LARGE1: variants seen among roughly 807,000 people sequenced by gnomAD.
The protein encoded by LARGE1 is LARGE xylosyl- and glucuronyltransferase 1.
Under a neutral mutation model 87.6 loss-of-function variants are expected in LARGE1, and 43 were observed. That is an observed-to-expected ratio of 0.49 (90% CI 0.38 to 0.63). LARGE1 has a LOEUF of 0.63. LARGE1 is among the 30% of genes least tolerant of loss of function. LARGE1 has a pLI of 0.00. For synonymous variants in LARGE1, 434 were observed against 394.6 expected, an observed-to-expected ratio of 1.10 and a Z score of -1.18; for missense variants, 802 against 1,000.2, an observed-to-expected ratio of 0.80 and a Z score of 2.67.
At chr22:33,643,740 A>G (rs994489121) in intron 3 of LARGE1, among the ~76,000 whole-genome samples, 1 of 152,216 alleles carries the variant, frequency 6.6e-6, no homozygotes, top group African/African-American at 2.4e-5. Flanking sequence ...ATCACCACTG[A>G]TTCCACAGAA....
chr22:33,490,254 T>C (rs1569208448), intron 6 of LARGE1, among the ~76,000 whole-genome samples: 1 of 152,226 alleles, frequency 6.6e-6, no homozygotes. Flanking sequence ...CCATCTTCAT[T>C]TATTCACGCC....
chr22:33,226,903 G>T (rs1925767513), intron 11 of LARGE1, among the ~76,000 whole-genome samples: 2 of 151,964 alleles, frequency 1.3e-5, no homozygotes, highest in South Asian at 4.1e-4. Context: ...CTAATTTTTT[G>T]TATTTTTAGT....
At chr22:33,693,628 G>C (rs1185274888) in intron 2 of LARGE1, among the ~76,000 whole-genome samples, 1 of 152,056 alleles carries the variant, frequency 6.6e-6, no homozygotes, top group African/African-American at 2.4e-5. Context: ...TTGGAGACCA[G>C]CTTGGCCAAC....
At chr22:33,820,901 C>G (rs1380983286) in intron 1 of LARGE1, among the ~76,000 whole-genome samples, 2 of 152,172 alleles carry the variant, frequency 1.3e-5, no homozygotes, top group Admixed American at 6.5e-5. Flanking sequence ...GCACCACCCC[C>G]TCTTCTGCCT....
the LARGE1 span, among the ~76,000 whole-genome samples, chr22:33,143,094 T>C: frequency 2.6e-5 from 4 of 152,160 alleles, no homozygotes; most frequent in African/African-American, 9.7e-5. Context: ...ACATATTCCT[T>C]CTCTCATGTC....
At chr22:33,203,089 CTCTCTCTCTCTCTGTG>C (rs1328855087) in intron 11 of LARGE1, among the ~76,000 whole-genome samples, 13 of 133,540 alleles carry the variant, frequency 9.7e-5, no homozygotes, top group South Asian at 8.6e-4. Flanking sequence ...CTCTCTCTCT[CTCTCTCTCTCTCTGTG>C]TGTGTGTGTG....
At chr22:33,247,547 T>A (rs1405908760) in intron 11 of LARGE1, among the ~76,000 whole-genome samples, 1 of 152,248 alleles carries the variant, frequency 6.6e-6, no homozygotes, top group Non-Finnish European at 1.5e-5. Context: ...AAAGAATTGA[T>A]TGATATTCAT....
At chr22:33,881,052 T>C (rs1422235780) in intron 1 of LARGE1, among the ~76,000 whole-genome samples, 2 of 143,512 alleles carry the variant, frequency 1.4e-5, no homozygotes, top group African/African-American at 4.9e-5. Context: ...AAGTAGCTTT[T>C]TTAATTTTTT....
chr22:33,274,511 G>A lies in LARGE1; in HGVS notation c.2187C>T (p.Thr729=). The A allele has an allele frequency of 6.2e-7, 1 of 1,614,172 alleles. No homozygotes were observed. The change falls in exon 15 of 15, where the codon ACC becomes ACT. Residue 729 remains threonine, a synonymous_variant. Coordinates refer to ENST00000397394, the MANE Select transcript of LARGE1 (RefSeq NM_133642.5). ...SNKQYRICLK[T]LKEEFQQDMS... ...TGTCCTGCTGAAACTCTTCCTTGAG[G>A]GTTTTGAGACAGATGCGGTATTGCT...
rs146912759 is a variant in LARGE1, at chr22:33,555,307, T to C, written c.787+9541A>G. 9.9e-3 allele frequency among the ~76,000 whole-genome samples: 1,509 copies of C among 152,228 alleles called. 23 individuals carry two copies. Among genetic ancestry groups the C allele is most frequent in the African/African-American group, 0.034 (1,433 of 41,538 alleles). On this transcript the variant is annotated intron_variant, in intron 6 of 14. Coordinates refer to ENST00000397394, the MANE Select transcript of LARGE1 (RefSeq NM_133642.5). ...CACACAATAACCAGATGGAGCCAGC[T>C]GTATCCTGGTACCTGGGTCTGTCCT...
At position 33,310,627 on chromosome 22, in the gene LARGE1, T is replaced by C. The variant is rs534977917; in HGVS notation, c.1451+5458A>G. Among the ~76,000 whole-genome samples, 11 of 152,266 alleles carry C rather than the reference T, an allele frequency of 7.2e-5. No homozygotes were observed. The South Asian group carries it at 1.9e-3, about 26-fold the overall frequency. On this transcript the variant is annotated intron_variant, in intron 11 of 14. Transcript: ENST00000397394. ...CTTCTGACTCGAAGGTTTACAAATA[T>C]ATCTGAAAGGTTTCTTAAATTAAAA...
chr22:33,877,749 C>T (rs967781164), intron 1 of LARGE1, among the ~76,000 whole-genome samples: 4 of 151,812 alleles, frequency 2.6e-5, no homozygotes, highest in Admixed American at 6.6e-5. Flanking sequence ...ATGGTGAAAC[C>T]GTGTCTCTAC....
At chr22:33,310,922 G>GC (rs1935508670) in intron 11 of LARGE1, among the ~76,000 whole-genome samples, 1 of 151,772 alleles carries the variant, frequency 6.6e-6, no homozygotes, top group Admixed American at 6.6e-5. Flanking sequence ...AGGGAAGACC[G>GC]CTATGGTTGG....
intron 6 of LARGE1, among the ~76,000 whole-genome samples, chr22:33,433,607 C>CAAAAAAAAAAAAAAAAAA (rs57605083): frequency 2.4e-4 from 21 of 88,262 alleles, no homozygotes; most frequent in East Asian, 3.9e-4. Context: ...AAAAACAAAA[C>CAAAAAAAAAAAAAAAAAA]AAAAAAAAAA....
intron 7 of LARGE1, among the ~76,000 whole-genome samples, chr22:33,426,431 T>G (rs1004679481): frequency 2.6e-5 from 4 of 152,144 alleles, no homozygotes; most frequent in African/African-American, 4.8e-5. Context: ...CACGAAGAGA[T>G]CTTAGTTCCT....
intron 6 of LARGE1, among the ~76,000 whole-genome samples, chr22:33,563,472 G>A (rs929988230): frequency 1.3e-5 from 2 of 152,146 alleles, no homozygotes; most frequent in Admixed American, 6.5e-5. Flanking sequence ...ATCAGCATAA[G>A]AAAATGAATA....
chr22:33,156,547 A>G, the LARGE1 span, among the ~76,000 whole-genome samples: 9 of 152,236 alleles, frequency 5.9e-5, no homozygotes, highest in East Asian at 3.9e-4. Context: ...GAATGGTTGT[A>G]TTTACCCAAT....
chr22:33,159,145 C>T (rs1222872723), downstream of LARGE1, among the ~76,000 whole-genome samples: 1 of 152,160 alleles, frequency 6.6e-6, no homozygotes, highest in African/African-American at 2.4e-5. Context: ...GCTGTGTCTT[C>T]CTGTCACTTC....
the LARGE1 span, among the ~76,000 whole-genome samples, chr22:33,123,812 C>A: frequency 2.6e-5 from 4 of 152,156 alleles, no homozygotes; most frequent in Non-Finnish European, 4.4e-5. Flanking sequence ...TCTGCAGGAG[C>A]CAAAATGGTG....
Sources: allele counts gnomAD v4.1 joint callset (sites outside exome capture counted in the v4.1 genomes callset), GRCh38; gene constraint gnomAD v4.1.1; transcripts MANE v1.5; gene names NCBI Gene and HGNC (gene_info 2026-07-23, HGNC 2026-07-21).